The following DAOA variants were observed in gnomAD, a reference collection of about 807,000 sequenced individuals.
DAOA encodes the protein D-amino acid oxidase activator, also known as D-amino acid oxidase regulator.
DAOA carries 15 observed loss-of-function variants against 16.4 expected under a neutral mutation model. The ratio of observed to expected loss-of-function variants is 0.91; its 90% confidence interval spans 0.61 to 1.41. The LOEUF is 1.41. Among genes scored for constraint, DAOA ranks in the 40% most tolerant of loss-of-function variants. The probability of loss-of-function intolerance (pLI) is 0.00; values close to 1 mark genes in which losing one functional copy is unlikely to be tolerated. For missense variants in DAOA, 230 were observed against 176.8 expected, an observed-to-expected ratio of 1.30 and a Z score of -1.71; for synonymous variants, 75 against 59.1, an observed-to-expected ratio of 1.27 and a Z score of -1.23.
intron 4 of DAOA, among the ~76,000 whole-genome samples, chr13:105,473,755 A>G (rs550840767): frequency 1.3e-5 from 2 of 152,132 alleles, no homozygotes; most frequent in Non-Finnish European, 2.9e-5. Context: ...GCTATAGTTT[A>G]TCGGTGTGAA....
intron 3 of DAOA, among the ~76,000 whole-genome samples, chr13:105,470,341 C>T (rs1594104840): frequency 6.6e-6 from 1 of 152,050 alleles, no homozygotes; most frequent in East Asian, 1.9e-4. Flanking sequence ...ATGCTGGCAA[C>T]TTGTCTCACT....
intron 4 of DAOA, among the ~76,000 whole-genome samples, chr13:105,483,653 T>C (rs997176363): frequency 1.2e-4 from 19 of 152,122 alleles, no homozygotes; most frequent in African/African-American, 3.6e-4. Context: ...CCATTTTTTT[T>C]CAGTGGTCTG....
intron 3 of DAOA, among the ~76,000 whole-genome samples, chr13:105,471,848 T>C (rs1876976924): frequency 6.6e-6 from 1 of 152,258 alleles, no homozygotes; most frequent in Non-Finnish European, 1.5e-5. Context: ...TCAAAGATGA[T>C]GAAAGGCAGA....
At chr13:105,472,738 T>C (rs1877059382) in intron 4 of DAOA, 53 bp downstream of exon 4, 6 of 1,532,694 alleles carry the variant, frequency 3.9e-6, no homozygotes, top group Non-Finnish European at 8.8e-7. Flanking sequence ...TAAATGCTAA[T>C]GTTGGAACTT....
rs1878419286 is a variant in DAOA at position 105,490,163 on chromosome 13, CTG to C, written c.*86_*87del. 6.9e-7 allele frequency: 1 copy of C among 1,459,662 alleles called. No individual in the cohort carries two copies. Among genetic ancestry groups the C allele is most frequent in the African/African-American group, 1.4e-5 (1 of 70,378 alleles). 90.4% of individuals were successfully genotyped at this position (1,459,662 alleles called of 1,614,324 possible). On this transcript the variant is annotated 3_prime_UTR_variant, in exon 5 of 6. Coordinates refer to ENST00000375936, the MANE Select transcript of DAOA (RefSeq NM_172370.5). Reference sequence around the variant, plus strand: ...CATCTTCACTGGACTCTGACGGACTCTGTGTCTGGGACCCAGCTGATAACACG... The same window carrying C: ...CATCTTCACTGGACTCTGACGGACTCTGTCTGGGACCCAGCTGATAACACG...
At chr13:105,486,923 G>A (rs182553849) in intron 4 of DAOA, among the ~76,000 whole-genome samples, 31 of 152,180 alleles carry the variant, frequency 2.0e-4, no homozygotes, top group African/African-American at 6.7e-4. Context: ...CCTGGCCTCA[G>A]TATTGACTAT....
At chr13:105,480,970 A>G (rs1877707718) in intron 4 of DAOA, among the ~76,000 whole-genome samples, 1 of 152,170 alleles carries the variant, frequency 6.6e-6, no homozygotes. Flanking sequence ...AGAAACACCA[A>G]AAATGATGCT....
At chr13:105,472,797 T>C in intron 4 of DAOA, 112 bp downstream of exon 4, 1 of 924,192 alleles carries the variant, frequency 1.1e-6, no homozygotes, top group Non-Finnish European at 1.5e-6. Flanking sequence ...TACTTCATGT[T>C]GAACTTTTAT....
intron 4 of DAOA, among the ~76,000 whole-genome samples, chr13:105,479,554 C>G (rs563136817): frequency 7.2e-5 from 11 of 152,302 alleles, no homozygotes; most frequent in Non-Finnish European, 1.3e-4. Flanking sequence ...CAATGCGCCA[C>G]CTTCCTTGGC....
In DAOA at chr13:105,472,818, G is replaced by A. The variant is rs557486268; in HGVS notation, c.281+133G>A. The stretch of plus-strand genomic sequence containing the variant: ...ATGTTGAACTTTTATCTAGCTCAGA[G>A]ATTATTTGTCTATTACATAGGAACC... On this transcript the variant is annotated intron_variant, in intron 4 of 5. Coordinates refer to ENST00000375936, the MANE Select transcript of DAOA (RefSeq NM_172370.5). The A allele has an allele frequency of 4.5e-5, 32 of 705,398 alleles. No individual in the cohort carries two copies. In the South Asian group the frequency reaches 1.2e-3, roughly 26 times the overall value. The allele number at this position is 705,398 out of a possible 1,614,324, so 43.7% of individuals were successfully genotyped here. A position where few individuals can be genotyped will look rare whatever the true frequency, so the allele number is the denominator to read the frequency against.
chr13:105,470,785 C>CTTTTATT (rs1876877606), intron 3 of DAOA, among the ~76,000 whole-genome samples: 1 of 130,076 alleles, frequency 7.7e-6, no homozygotes, highest in African/African-American at 2.8e-5. Flanking sequence ...AATTTGTTTT[C>CTTTTATT]TTTTCTTTTT....
Position 105,490,139 on chromosome 13 carries a change from A to G in DAOA, c.*58A>G. ...CTGATGACAATGTAGTCTGGCCAAC[A>G]TCTTCACTGGACTCTGACGGACTCT... On this transcript the variant is annotated 3_prime_UTR_variant, in exon 5 of 6. Transcript: ENST00000375936. 1 of 1,510,236 alleles carries G rather than the reference A, an allele frequency of 6.6e-7. No individual in the cohort carries two copies. Among genetic ancestry groups the G allele is most frequent in the East Asian group, 2.5e-5 (1 of 40,424 alleles). 93.6% of individuals were successfully genotyped at this position (1,510,236 alleles called of 1,614,324 possible).
Position 105,489,958 on chromosome 13 carries a change from C to T in DAOA, c.339C>T (p.Phe113=). The T allele has an allele frequency of 6.2e-7, 1 of 1,613,786 alleles. No homozygotes were observed. The highest frequency in any genetic ancestry group is 1.3e-5 in the African/African-American group (1 of 75,002). ...GKVFMARNYE[F]LAYEASKDRR... Reference sequence around the variant, plus strand: ...TCTTCATGGCAAGAAACTATGAGTTCCTTGCCTATGAGGCCTCTAAGGACC... The same window carrying T: ...TCTTCATGGCAAGAAACTATGAGTTTCTTGCCTATGAGGCCTCTAAGGACC... The change falls in exon 5 of 6, where the codon TTC becomes TTT. Residue 113 remains phenylalanine (F), a synonymous_variant. Coordinates refer to ENST00000375936, the MANE Select transcript of DAOA (RefSeq NM_172370.5).
chr13:105,479,807 C>T (rs554238204), intron 4 of DAOA, among the ~76,000 whole-genome samples: 29 of 152,234 alleles, frequency 1.9e-4, no homozygotes, highest in Non-Finnish European at 2.9e-4. Context: ...AGACTACTTT[C>T]GTGAATTTTA....
intron 4 of DAOA, chr13:105,489,680 G>T: frequency 9.6e-7 from 1 of 1,037,212 alleles, no homozygotes; most frequent in Non-Finnish European, 1.3e-6. Context: ...GTCTTTCTTT[G>T]AAATTATATC....
At chr13:105,478,153 A>T (rs1227450420) in intron 4 of DAOA, among the ~76,000 whole-genome samples, 1 of 152,230 alleles carries the variant, frequency 6.6e-6, no homozygotes, top group Non-Finnish European at 1.5e-5. Flanking sequence ...TTTTCTTAGA[A>T]CAACATCTAA....
At chr13:105,467,269 A>G (rs1876591084) in intron 3 of DAOA, 128 bp downstream of exon 3, 1 of 1,068,362 alleles carries the variant, frequency 9.4e-7, no homozygotes, top group East Asian at 2.8e-5. Context: ...TGTAAGATAC[A>G]GGAAGAAAAT....
intron 2 of DAOA, among the ~76,000 whole-genome samples, chr13:105,466,722 T>C (rs1876544258): frequency 6.6e-6 from 1 of 151,950 alleles, no homozygotes; most frequent in Admixed American, 6.5e-5. Context: ...TGGGATAACT[T>C]TGTGCTTATT....
intron 2 of DAOA, 66 bp downstream of exon 2, chr13:105,466,398 C>G: frequency 1.9e-6 from 3 of 1,609,720 alleles, no homozygotes; most frequent in Non-Finnish European, 2.5e-6. Flanking sequence ...CATGGCAGCA[C>G]AGAGCTCCCA....
Sources: allele counts gnomAD v4.1 joint callset (sites outside exome capture counted in the v4.1 genomes callset), GRCh38; gene constraint gnomAD v4.1.1; transcripts MANE v1.5; gene names NCBI Gene and HGNC (gene_info 2026-07-23, HGNC 2026-07-21).